Variants in MGAT4C observed in about 807,000 individuals in gnomAD.
The protein encoded by MGAT4C is alpha-1,3-mannosyl-glycoprotein 4-beta-N-acetylglucosaminyltransferase C.
A neutral mutation model predicts 40.1 loss-of-function variants in MGAT4C; 19 were observed. That is an observed-to-expected ratio of 0.47 (90% CI 0.33 to 0.70). MGAT4C has a LOEUF of 0.70. Among genes scored for constraint, MGAT4C ranks in the 30% least tolerant of loss-of-function variants. MGAT4C has a pLI of 0.02. For synonymous variants in MGAT4C, 181 were observed against 187.1 expected (o/e 0.97, Z 0.27); for missense variants, 491 against 563.2 (o/e 0.87, Z 1.30).
chr12:86,795,945 A>G (rs1952107775), intron 1 of MGAT4C, among the ~76,000 whole-genome samples: 1 of 152,016 alleles, frequency 6.6e-6, no homozygotes, highest in Non-Finnish European at 1.5e-5. Context: ...ATGGAAAATT[A>G]GAAAGAGAGC....
intron 3 of MGAT4C, among the ~76,000 whole-genome samples, chr12:86,397,102 A>G (rs1956276517): frequency 6.6e-6 from 1 of 152,142 alleles, no homozygotes; most frequent in African/African-American, 2.4e-5. Context: ...TATGCCCATT[A>G]GTATTTGGAA....
At chr12:86,206,911 T>A (rs1950280029) in intron 1 of MGAT4C, among the ~76,000 whole-genome samples, 1 of 152,150 alleles carries the variant, frequency 6.6e-6, no homozygotes, top group South Asian at 2.1e-4. Flanking sequence ...TCTTCCTTTT[T>A]AATAAACATT....
chr12:86,176,763 T>C (rs1192532710), intron 1 of MGAT4C, among the ~76,000 whole-genome samples: 1 of 150,550 alleles, frequency 6.6e-6, no homozygotes, highest in African/African-American at 2.5e-5. Context: ...GATGATATTA[T>C]ATAGTGTGTT....
intron 3 of MGAT4C, among the ~76,000 whole-genome samples, chr12:86,423,343 AG>A: frequency 6.6e-6 from 1 of 151,810 alleles, no homozygotes; most frequent in East Asian, 1.9e-4. Flanking sequence ...AAATTATGGA[AG>A]TTGGAGTTTT....
At chr12:86,272,262 A>G (rs1220099525) in intron 4 of MGAT4C, among the ~76,000 whole-genome samples, 3 of 152,220 alleles carry the variant, frequency 2.0e-5, no homozygotes, top group Admixed American at 1.3e-4. Flanking sequence ...TTCATTGTCT[A>G]TATAGGCCAC....
chr12:86,466,532 G>A (rs929022848), intron 2 of MGAT4C, among the ~76,000 whole-genome samples: 1 of 152,236 alleles, frequency 6.6e-6, no homozygotes, highest in Non-Finnish European at 1.5e-5. Context: ...TTGCCAGAGT[G>A]TTGTGTGGGA....
intron 1 of MGAT4C, among the ~76,000 whole-genome samples, chr12:86,132,891 C>A (rs1881440165): frequency 6.6e-6 from 1 of 150,398 alleles, no homozygotes; most frequent in Admixed American, 6.6e-5. Context: ...CAAATTAAAT[C>A]AAAGTACAAA....
chr12:86,007,891 G>A (rs1193524945), intron 2 of MGAT4C, among the ~76,000 whole-genome samples: 1 of 150,482 alleles, frequency 6.6e-6, no homozygotes, highest in East Asian at 2.0e-4. Flanking sequence ...TAAATTAAGT[G>A]TATGGTGTGA....
intron 2 of MGAT4C, among the ~76,000 whole-genome samples, chr12:86,722,673 T>C (rs1593151059): frequency 6.6e-6 from 1 of 152,180 alleles, no homozygotes; most frequent in Non-Finnish European, 1.5e-5. Context: ...ATATTGGCTG[T>C]TGTTACTAAA....
At chr12:86,199,960 A>G (rs1949976602) in intron 1 of MGAT4C, among the ~76,000 whole-genome samples, 3 of 152,086 alleles carry the variant, frequency 2.0e-5, no homozygotes, top group African/African-American at 7.2e-5. Flanking sequence ...AGTACAAGTA[A>G]TAACCAAATC....
intron 1 of MGAT4C, among the ~76,000 whole-genome samples, chr12:86,806,149 G>A (rs1025536117): frequency 1.3e-5 from 2 of 151,306 alleles, no homozygotes; most frequent in African/African-American, 4.8e-5. Context: ...ATTTATCAAT[G>A]TATAGAATAT....
chr12:86,450,064 T>C (rs1334066822), intron 2 of MGAT4C, among the ~76,000 whole-genome samples: 1 of 152,140 alleles, frequency 6.6e-6, no homozygotes, highest in Non-Finnish European at 1.5e-5. Context: ...GCTTTGAACA[T>C]TGTATCTCAT....
chr12:86,256,878 A>C (rs1289288623), upstream of MGAT4C, among the ~76,000 whole-genome samples: 1 of 152,146 alleles, frequency 6.6e-6, no homozygotes, highest in African/African-American at 2.4e-5. Flanking sequence ...GAAGTTTTTA[A>C]TCAATTTTTT....
chr12:86,766,508 C>A (rs1707507346), intron 1 of MGAT4C, among the ~76,000 whole-genome samples: 1 of 151,896 alleles, frequency 6.6e-6, no homozygotes, highest in South Asian at 2.1e-4. Context: ...CAGCTCTGCA[C>A]CAAGCAGACC....
chr12:86,190,609 CAT>C, intron 1 of MGAT4C, among the ~76,000 whole-genome samples: 1 of 152,102 alleles, frequency 6.6e-6, no homozygotes, highest in Non-Finnish European at 1.5e-5. Context: ...TGCAATAGCA[CAT>C]GTGACACCTA....
chr12:86,207,865 C>T (rs1165719971), intron 1 of MGAT4C, among the ~76,000 whole-genome samples: 1 of 152,006 alleles, frequency 6.6e-6, no homozygotes, highest in East Asian at 1.9e-4. Flanking sequence ...AAAATAATAT[C>T]TATATGGGAT....
rs139720485 is a variant in MGAT4C at position 86,059,330 on chromosome 12, C to G, written c.-56-9607G>C. 7.6e-3 allele frequency among the ~76,000 whole-genome samples: 1,153 copies of G among 152,338 alleles called. 12 individuals carry two copies. Among genetic ancestry groups the G allele is most frequent in the African/African-American group, 0.026 (1,073 of 41,584 alleles). On this transcript the variant is annotated intron_variant, in intron 1 of 4. Coordinates refer to ENST00000611864, the MANE Select transcript of MGAT4C (RefSeq NM_001351288.2). ...GTGCTGGGATTACAGGCATGAGCCA[C>G]CGCACCCAGCCTTAACATGTCTTCT... is the stretch of plus-strand genomic sequence containing the variant.
intron 1 of MGAT4C, among the ~76,000 whole-genome samples, chr12:86,079,336 T>C (rs1220872386): frequency 1.3e-5 from 2 of 152,196 alleles, no homozygotes; most frequent in Non-Finnish European, 2.9e-5. Flanking sequence ...AAGAGACTTT[T>C]TCTCCTTTTA....
intron 2 of MGAT4C, among the ~76,000 whole-genome samples, chr12:85,996,728 G>C (rs1375657968): frequency 6.6e-6 from 1 of 151,714 alleles, no homozygotes; most frequent in Non-Finnish European, 1.5e-5. Flanking sequence ...CAATAAATAA[G>C]AGTTTCAAAA....
Sources: gnomAD v4.1 joint callset for allele counts (sites outside exome capture counted in the v4.1 genomes callset) on GRCh38, gnomAD v4.1.1 for gene constraint, MANE v1.5 for transcripts, NCBI Gene and HGNC (gene_info 2026-07-23, HGNC 2026-07-21) for gene names.